Variants in CFH observed in about 807,000 individuals in gnomAD.
The protein encoded by CFH is complement factor H.
Under a neutral mutation model 147.3 loss-of-function variants are expected in CFH, and 53 were observed. The observed-to-expected ratio is 0.36, with a 90% CI of 0.29 to 0.45. CFH has a LOEUF of 0.45. Among genes scored for constraint, CFH ranks in the 20% least tolerant of loss-of-function variants. The pLI is 1.00. For missense variants in CFH, 1,380 were observed against 1,498.0 expected, an observed-to-expected ratio of 0.92 and a Z score of 1.30; for synonymous variants, 536 against 489.4, an observed-to-expected ratio of 1.10 and a Z score of -1.26.
At chr1:196,726,350 T>C (rs902682507) in intron 12 of CFH, 120 bp from the exon 13 acceptor site, 4 of 756,714 alleles carry the variant, frequency 5.3e-6, no homozygotes, top group African/African-American at 1.8e-5. Flanking sequence ...TTTAGGATGC[T>C]ATAATAAGTT....
intron 9 of CFH, among the ~76,000 whole-genome samples, chr1:196,707,633 C>G (rs1668623479): frequency 6.6e-6 from 1 of 152,154 alleles, no homozygotes; most frequent in South Asian, 2.1e-4. Context: ...AAACCCGCCC[C>G]GCCAGATTCT....
At chr1:196,662,048 T>C (rs1666928400) in intron 1 of CFH, among the ~76,000 whole-genome samples, 1 of 152,208 alleles carries the variant, frequency 6.6e-6, no homozygotes, top group Non-Finnish European at 1.5e-5. Flanking sequence ...ATTCCCTCTC[T>C]TTTTCAGAGG....
At chr1:196,702,891 G>A (rs746554947) in intron 9 of CFH, among the ~76,000 whole-genome samples, 1 of 152,078 alleles carries the variant, frequency 6.6e-6, no homozygotes, top group Non-Finnish European at 1.5e-5. Context: ...AGCCTAATGA[G>A]GGTTGCTTTG....
Position 196,724,268 on chromosome 1 carries a change from C to G in CFH, c.1697-853C>G, listed in dbSNP as rs532587908. 3.3e-5 allele frequency among the ~76,000 whole-genome samples: 5 copies of G among 152,034 alleles called. No individual in the cohort carries two copies. The South Asian group carries it at 8.3e-4, about 25-fold the overall frequency. ...GGTGACAGGGAATATTTGTGCGGCT[C>G]TGGTGTTATGGGGACAGAGGGCTGA... On this transcript the variant is annotated intron_variant, in intron 11 of 21. Transcript: ENST00000367429.
At chr1:196,724,822 A>G (rs996281410) in intron 11 of CFH, among the ~76,000 whole-genome samples, 22 of 152,302 alleles carry the variant, frequency 1.4e-4, no homozygotes, top group Admixed American at 5.2e-4. Context: ...GAGTAAAAAA[A>G]GTAATATTAA....
chr1:196,702,954 C>A (rs910520619), intron 9 of CFH, among the ~76,000 whole-genome samples: 1 of 152,098 alleles, frequency 6.6e-6, no homozygotes, highest in Admixed American at 6.6e-5. Context: ...GATATTGACC[C>A]AGAAGCCCCA....
At chr1:196,690,358 T>G (rs772372631) in intron 9 of CFH, 119 bp downstream of exon 9, 4 of 1,434,640 alleles carry the variant, frequency 2.8e-6, no homozygotes, top group Admixed American at 3.4e-5. Context: ...GTTTTACCAA[T>G]GGACCTATTT....
At chr1:196,710,959 A>G (rs1459077961) in intron 9 of CFH, among the ~76,000 whole-genome samples, 4 of 152,024 alleles carry the variant, frequency 2.6e-5, no homozygotes, top group Non-Finnish European at 4.4e-5. Flanking sequence ...AATTCATTCA[A>G]GTTCTTGAAT....
intron 1 of CFH, among the ~76,000 whole-genome samples, chr1:196,667,715 G>A (rs1203881149): frequency 6.6e-6 from 1 of 151,980 alleles, no homozygotes; most frequent in Non-Finnish European, 1.5e-5. Flanking sequence ...TTTAAGTCTA[G>A]CATATTGCTA....
chr1:196,737,271 TGAA>T (rs1217369534), intron 16 of CFH, among the ~76,000 whole-genome samples: 2 of 152,344 alleles, frequency 1.3e-5, no homozygotes, highest in African/African-American at 4.8e-5. Flanking sequence ...AAGACATGAA[TGAA>T]GATGATTATT....
At chr1:196,655,297 G>A (rs1056058317) in intron 1 of CFH, among the ~76,000 whole-genome samples, 9 of 152,130 alleles carry the variant, frequency 5.9e-5, no homozygotes, top group African/African-American at 1.7e-4. Flanking sequence ...GTGCTATAGT[G>A]AGTGCTATAA....
intron 1 of CFH, among the ~76,000 whole-genome samples, chr1:196,653,018 A>T (rs1420382137): frequency 6.6e-6 from 1 of 151,862 alleles, no homozygotes; most frequent in Non-Finnish European, 1.5e-5. Flanking sequence ...TGAATTACAT[A>T]TTATTCATAA....
chr1:196,670,717 A>G (rs915683772), intron 1 of CFH, among the ~76,000 whole-genome samples: 3 of 152,156 alleles, frequency 2.0e-5, no homozygotes, highest in African/African-American at 7.2e-5. Context: ...AAATGGACTA[A>G]TACAATCTGC....
At position 196,715,134 on chromosome 1, in the gene CFH, A is replaced by T. The variant is rs1253336494; in HGVS notation, c.1520-459A>T. ...AATTTTTATTAATTATTCTTTTAAG[A>T]TTTTCTTATTATTAAAGAGAAAATG... On this transcript the variant is annotated intron_variant, in intron 10 of 21. Transcript: ENST00000367429. Among the ~76,000 whole-genome samples, 2 of 151,880 alleles carry T rather than the reference A, an allele frequency of 1.3e-5. 1 individual carries two copies. Among genetic ancestry groups the T allele is most frequent in the Admixed American group, 1.3e-4 (2 of 15,228 alleles).
intron 4 of CFH, among the ~76,000 whole-genome samples, 153 bp downstream of exon 4, chr1:196,676,218 T>A (rs1667447976): frequency 6.6e-6 from 1 of 152,126 alleles, no homozygotes; most frequent in Non-Finnish European, 1.5e-5. Context: ...GTCTTTTTAT[T>A]ACTACATTCT....
chr1:196,672,035 T>C (rs1301431144), intron 1 of CFH, among the ~76,000 whole-genome samples: 1 of 152,068 alleles, frequency 6.6e-6, no homozygotes, highest in African/African-American at 2.4e-5. Flanking sequence ...AGATCCATTT[T>C]CTTATTGAGA....
intron 9 of CFH, 138 bp downstream of exon 9, chr1:196,690,377 G>T (rs1161934743): frequency 1.6e-6 from 2 of 1,232,410 alleles, no homozygotes. Flanking sequence ...TTAGTTTTTG[G>T]TTTTTCAACT....
At position 196,667,406 on chromosome 1, in the gene CFH, T is replaced by C. The variant is rs186947386; in HGVS notation, c.59-5572T>C. On this transcript the variant is annotated intron_variant, in intron 1 of 21. Transcript: ENST00000367429. The stretch of plus-strand genomic sequence containing the variant: ...AGACACATTTGCAATTATTACATCT[T>C]TCTGTTAAAGTAGCCTTTTTATTAA... Among the ~76,000 whole-genome samples, 631 of 152,328 alleles carry C rather than the reference T, an allele frequency of 4.1e-3. 2 individuals carry two copies. The highest frequency in any genetic ancestry group is 0.015 in the African/African-American group (611 of 41,576).
At chr1:196,663,408 T>G (rs1221230619) in intron 1 of CFH, among the ~76,000 whole-genome samples, 1 of 152,198 alleles carries the variant, frequency 6.6e-6, no homozygotes, top group Non-Finnish European at 1.5e-5. Flanking sequence ...AGAAATTATA[T>G]TTGGTTCTTT....
Sources: allele counts gnomAD v4.1 joint callset (sites outside exome capture counted in the v4.1 genomes callset), GRCh38; gene constraint gnomAD v4.1.1; transcripts MANE v1.5; gene names NCBI Gene and HGNC (gene_info 2026-07-23, HGNC 2026-07-21).